NFIC: variants seen among roughly 807,000 people sequenced by gnomAD.
NFIC encodes the protein nuclear factor I C, also known as nuclear factor 1 C-type.
NFIC carries 12 observed loss-of-function variants against 54.4 expected under a neutral mutation model. That is an observed-to-expected ratio of 0.22 (90% CI 0.14 to 0.36). The LOEUF (loss-of-function observed/expected upper bound fraction) is 0.36, where lower values mean the gene tolerates loss of function less well. NFIC is among the 10% of genes least tolerant of loss of function. The pLI is 1.00. For synonymous variants in NFIC, 322 were observed against 319.2 expected (o/e 1.01, Z -0.09); for missense variants, 575 against 718.2 (o/e 0.80, Z 2.28).
At chr19:3,372,709 G>GC (rs1555739443) in intron 1 of NFIC, among the ~76,000 whole-genome samples, 2 of 149,132 alleles carry the variant, frequency 1.3e-5, no homozygotes, top group African/African-American at 4.9e-5. Context: ...CCCAGGAGTG[G>GC]GGTGGGGGGG....
intron 2 of NFIC, among the ~76,000 whole-genome samples, chr19:3,416,886 CTT>C (rs371348767): frequency 1.4e-3 from 188 of 131,962 alleles, no homozygotes; most frequent in Admixed American, 2.6e-3. Context: ...AATCCCAGTG[CTT>C]TTTTTTTTTT....
At chr19:3,442,425 G>C (rs2082308799) in intron 6 of NFIC, among the ~76,000 whole-genome samples, 1 of 140,748 alleles carries the variant, frequency 7.1e-6, no homozygotes, top group Non-Finnish European at 1.5e-5. Flanking sequence ...CTGTTGCCCA[G>C]GCTGGAGTGC....
intron 2 of NFIC, among the ~76,000 whole-genome samples, chr19:3,398,764 T>A (rs2081506039): frequency 6.6e-6 from 1 of 152,050 alleles, no homozygotes; most frequent in South Asian, 2.1e-4. Context: ...ATGTAACCAG[T>A]TTATGCAAGG....
chr19:3,383,582 C>T (rs1036949038), intron 2 of NFIC, among the ~76,000 whole-genome samples: 2 of 152,174 alleles, frequency 1.3e-5, no homozygotes, highest in Admixed American at 6.5e-5. Context: ...GAAGATCATG[C>T]GTGTAGCCAC....
chr19:3,362,020 A>G (rs752279777), upstream of NFIC, among the ~76,000 whole-genome samples: 3 of 152,116 alleles, frequency 2.0e-5, no homozygotes, highest in Non-Finnish European at 2.9e-5. Context: ...CAAACACCGC[A>G]CTTGCGGGGG....
rs1041784126 is a variant in NFIC at position 3,387,363 on chromosome 19, G to A, written c.562+5120G>A. On this transcript the variant is annotated intron_variant, in intron 2 of 10. Transcript: ENST00000443272. ...CTAAAAATACAAAAATTAGCCGGGCGTGGTGGCGGGCGTCTGTAGTACCAG... is the reference window on the plus strand; with the variant it reads ...CTAAAAATACAAAAATTAGCCGGGCATGGTGGCGGGCGTCTGTAGTACCAG... Among the ~76,000 whole-genome samples, 4 of 152,150 alleles carry A rather than the reference G, an allele frequency of 2.6e-5. 1 individual carries two copies. The highest frequency in any genetic ancestry group is 4.8e-5 in the African/African-American group (2 of 41,442).
chr19:3,456,870 G>A, intron 10 of NFIC: 1 of 572,182 alleles, frequency 1.7e-6, no homozygotes, highest in East Asian at 3.0e-5. Context: ...AGCCTGTGGG[G>A]TCCCCAGGAG....
intron 10 of NFIC, 153 bp downstream of exon 10, chr19:3,456,788 C>T (rs1421888861): frequency 2.7e-6 from 2 of 739,200 alleles, no homozygotes; most frequent in East Asian, 2.7e-5. Context: ...CTCGAGCCCC[C>T]ACCTGGCCTC....
chr19:3,424,687 C>T (rs1286418055), intron 2 of NFIC, among the ~76,000 whole-genome samples: 1 of 152,152 alleles, frequency 6.6e-6, no homozygotes, highest in Admixed American at 6.6e-5. Context: ...CCGGCCTGAA[C>T]TTCATTTTAC....
rs2082489263 is a variant in NFIC at position 3,452,834 on chromosome 19, G to A, written c.1269+168G>A. 6.6e-6 allele frequency among the ~76,000 whole-genome samples: 1 copy of A among 152,328 alleles called. No homozygotes were observed. The highest frequency in any genetic ancestry group is 2.1e-4 in the South Asian group (1 of 4,830). On this transcript the variant is annotated intron_variant, in intron 8 of 10. Coordinates refer to ENST00000443272, the MANE Select transcript of NFIC (RefSeq NM_001245002.2). This position sits in a 1 kb window ranked among gnomAD's most constrained non-coding sequence, Gnocchi z 5.3. ...GAGGCAGCTGGATTGGGTCAGAATT[G>A]AGATGCTTTCGGATGTCAGGGTTTC...
chr19:3,391,667 C>T (rs1020329667), intron 2 of NFIC, among the ~76,000 whole-genome samples: 4 of 151,766 alleles, frequency 2.6e-5, no homozygotes, highest in Non-Finnish European at 4.4e-5. Flanking sequence ...CATGGTGGCG[C>T]GTGCCTGTAA....
chr19:3,419,653 T>C (rs1361095407), intron 2 of NFIC, among the ~76,000 whole-genome samples: 2 of 151,578 alleles, frequency 1.3e-5, no homozygotes, highest in Non-Finnish European at 2.9e-5. Context: ...ATTAGAAAAT[T>C]AGATTACAGG....
At position 3,428,998 on chromosome 19, in the gene NFIC, CAG is replaced by C. The variant is rs372292997; in HGVS notation, c.634+3822_634+3823del. Among the ~76,000 whole-genome samples, 166 of 151,920 alleles carry C rather than the reference CAG, an allele frequency of 1.1e-3. No individual in the cohort carries two copies. In the Middle Eastern group the frequency reaches 0.041, roughly 37 times the overall value. On this transcript the variant is annotated intron_variant, in intron 3 of 10. Coordinates refer to ENST00000443272, the MANE Select transcript of NFIC (RefSeq NM_001245002.2). The stretch of plus-strand genomic sequence containing the variant: ...GCCTTCACTCAGCAAATGACTGTAA[CAG>C]GGGGCCGGGTGCGGTGGCTCACGCC...
intron 2 of NFIC, among the ~76,000 whole-genome samples, chr19:3,384,878 G>A (rs1054091515): frequency 5.9e-5 from 9 of 152,246 alleles, no homozygotes; most frequent in South Asian, 4.1e-4. Flanking sequence ...GGTTCTCATC[G>A]TCACACAGGG....
At chr19:3,433,705 G>A in intron 4 of NFIC, 113 bp downstream of exon 4, 1 of 1,194,344 alleles carries the variant, frequency 8.4e-7, no homozygotes, top group East Asian at 2.7e-5. Flanking sequence ...AACCCCCTGT[G>A]TCACTAAGCC....
intron 2 of NFIC, among the ~76,000 whole-genome samples, chr19:3,393,378 G>A (rs60718666): frequency 0.44 from 66,410 of 151,918 alleles, 15,883 homozygotes; most frequent in Middle Eastern, 0.55. Flanking sequence ...GAATCTCAAC[G>A]CTGAAGTGGT....
At chr19:3,454,546 TG>T (rs2082522070) in intron 9 of NFIC, among the ~76,000 whole-genome samples, 1 of 152,006 alleles carries the variant, frequency 6.6e-6, no homozygotes, top group Admixed American at 6.6e-5. Flanking sequence ...GGCTGCTGGA[TG>T]GCCCCTCGGT....
At chr19:3,425,427 G>A (rs752042873) in intron 3 of NFIC, among the ~76,000 whole-genome samples, 1 of 152,166 alleles carries the variant, frequency 6.6e-6, no homozygotes, top group Non-Finnish European at 1.5e-5. Context: ...CCCATGGGAC[G>A]TTTGAGGGTT....
chr19:3,398,603 C>T lies in NFIC; in HGVS notation c.562+16360C>T, dbSNP rs989811513. ...CTGTCTCTGGGAATCCCAGGCATCC[C>T]CCAGGCAGGAGTCAACCCAGAGGCC... On this transcript the variant is annotated intron_variant, in intron 2 of 10. Coordinates refer to ENST00000443272, the MANE Select transcript of NFIC (RefSeq NM_001245002.2). 1.2e-4 allele frequency among the ~76,000 whole-genome samples: 19 copies of T among 152,182 alleles called. No homozygotes were observed. In the South Asian group the frequency reaches 1.5e-3, roughly 12 times the overall value.
Sources: allele counts gnomAD v4.1 joint callset (sites outside exome capture counted in the v4.1 genomes callset), GRCh38; gene constraint gnomAD v4.1.1; non-coding constraint Gnocchi (gnomAD v3.1); transcripts MANE v1.5; gene names NCBI Gene and HGNC (gene_info 2026-07-23, HGNC 2026-07-21).